FAF1: variants seen among roughly 807,000 people sequenced by gnomAD.
The protein encoded by FAF1 is FAS-associated factor 1.
A neutral mutation model predicts 92.5 loss-of-function variants in FAF1; 25 were observed. The ratio of observed to expected loss-of-function variants is 0.27; its 90% CI spans 0.20 to 0.38. The LOEUF (loss-of-function observed/expected upper bound fraction) is 0.38, where lower values mean the gene tolerates loss of function less well. Among genes scored for constraint, FAF1 ranks in the 10% least tolerant of loss-of-function variants. The probability of loss-of-function intolerance (pLI) is 1.00; values close to 1 mark genes in which losing one functional copy is unlikely to be tolerated. For missense variants in FAF1, 636 were observed against 793.3 expected (o/e 0.80, Z 2.38); for synonymous variants, 234 against 273.2 (o/e 0.86, Z 1.42).
intron 1 of FAF1, among the ~76,000 whole-genome samples, chr1:50,924,768 A>C (rs1249055532): frequency 2.0e-5 from 3 of 152,202 alleles, no homozygotes; most frequent in African/African-American, 7.2e-5. Flanking sequence ...GGATCACCTG[A>C]GTTCAAGAGT....
intron 7 of FAF1, among the ~76,000 whole-genome samples, chr1:50,674,567 G>C (rs942774251): frequency 1.1e-4 from 16 of 152,172 alleles, no homozygotes; most frequent in Non-Finnish European, 2.9e-5. Context: ...TTGTTTATAT[G>C]GTTTTGTGCA....
intron 18 of FAF1, among the ~76,000 whole-genome samples, chr1:50,442,212 C>T (rs1329158725): frequency 6.6e-6 from 1 of 151,966 alleles, no homozygotes; most frequent in Non-Finnish European, 1.5e-5. Context: ...AGGCAACGGG[C>T]AGGGATGGGA....
At chr1:50,879,619 C>T (rs1644596168) in intron 1 of FAF1, among the ~76,000 whole-genome samples, 1 of 152,114 alleles carries the variant, frequency 6.6e-6, no homozygotes, top group Admixed American at 6.6e-5. Flanking sequence ...CGGGAAAATA[C>T]ATCAGATTTA....
At chr1:50,511,421 C>T (rs1010704800) in intron 15 of FAF1, among the ~76,000 whole-genome samples, 56 of 151,972 alleles carry the variant, frequency 3.7e-4, no homozygotes, top group Non-Finnish European at 5.9e-4. Flanking sequence ...CAACAGGCCC[C>T]GGTGTGTGAT....
intron 2 of FAF1, among the ~76,000 whole-genome samples, chr1:50,831,362 T>C (rs1357004630): frequency 6.6e-6 from 1 of 152,206 alleles, no homozygotes; most frequent in Non-Finnish European, 1.5e-5. Context: ...TGTGCAACTT[T>C]AGGCCCCTCC....
intron 1 of FAF1, among the ~76,000 whole-genome samples, chr1:50,900,336 A>G (rs552927432): frequency 5.3e-5 from 8 of 152,140 alleles, no homozygotes; most frequent in Non-Finnish European, 1.2e-4. Flanking sequence ...ATTGCTTTCA[A>G]TTTTGTTTCT....
At chr1:50,734,657 C>A (rs1350693475) in intron 6 of FAF1, among the ~76,000 whole-genome samples, 1 of 151,666 alleles carries the variant, frequency 6.6e-6, no homozygotes, top group Non-Finnish European at 1.5e-5. Context: ...TGGCGTGAAC[C>A]CAGGGGGCGG....
intron 12 of FAF1, among the ~76,000 whole-genome samples, chr1:50,581,722 G>A (rs1482807663): frequency 6.6e-6 from 1 of 152,186 alleles, no homozygotes; most frequent in Non-Finnish European, 1.5e-5. Flanking sequence ...TTCAGAGGAG[G>A]AGGAGGAGTC....
At chr1:50,840,976 AGTCT>A (rs1644251039) in intron 2 of FAF1, among the ~76,000 whole-genome samples, 2 of 152,034 alleles carry the variant, frequency 1.3e-5, no homozygotes, top group Non-Finnish European at 1.5e-5. Flanking sequence ...CATACTACTG[AGTCT>A]GGAAGTCCAT....
At chr1:50,716,401 A>C (rs1658173200) in intron 6 of FAF1, among the ~76,000 whole-genome samples, 1 of 152,206 alleles carries the variant, frequency 6.6e-6, no homozygotes, top group South Asian at 2.1e-4. Flanking sequence ...AGTATACATC[A>C]AAATTAAACA....
At chr1:50,568,674 G>A (rs1650281359) in intron 12 of FAF1, among the ~76,000 whole-genome samples, 1 of 152,138 alleles carries the variant, frequency 6.6e-6, no homozygotes, top group Admixed American at 6.5e-5. Flanking sequence ...AAGCGGACTT[G>A]TCCCAAATGT....
intron 4 of FAF1, among the ~76,000 whole-genome samples, chr1:50,776,803 C>T (rs928697324): frequency 6.6e-6 from 1 of 152,114 alleles, no homozygotes; most frequent in Non-Finnish European, 1.5e-5. Context: ...TAAATCATAT[C>T]CCTTTCAGTG....
At chr1:50,546,454 C>T (rs1649021858) in intron 13 of FAF1, among the ~76,000 whole-genome samples, 1 of 152,136 alleles carries the variant, frequency 6.6e-6, no homozygotes. Flanking sequence ...CAACCTTTGC[C>T]ACCTGGGTTC....
intron 1 of FAF1, among the ~76,000 whole-genome samples, chr1:50,911,660 A>C (rs2124722759): frequency 6.6e-6 from 1 of 151,976 alleles, no homozygotes; most frequent in South Asian, 2.1e-4. Flanking sequence ...TGTTGCCACT[A>C]CACTCCAGCC....
chr1:50,745,234 G>A (rs1209584363), intron 4 of FAF1, among the ~76,000 whole-genome samples: 1 of 152,202 alleles, frequency 6.6e-6, no homozygotes, highest in Admixed American at 6.5e-5. Context: ...CTGGGAGGCA[G>A]AGGTTGCAGT....
intron 15 of FAF1, among the ~76,000 whole-genome samples, chr1:50,513,531 T>C (rs1647165738): frequency 6.6e-6 from 1 of 152,134 alleles, no homozygotes; most frequent in Non-Finnish European, 1.5e-5. Flanking sequence ...AACTTATCAT[T>C]GTGGTTCCAT....
chr1:50,691,564 C>T (rs2124393324), intron 7 of FAF1, among the ~76,000 whole-genome samples: 1 of 151,866 alleles, frequency 6.6e-6, no homozygotes, highest in Non-Finnish European at 1.5e-5. Flanking sequence ...TTCTAGCCAT[C>T]CTAGTGGTGT....
At chr1:50,809,456 C>G (rs947289913) in intron 2 of FAF1, among the ~76,000 whole-genome samples, 1 of 151,994 alleles carries the variant, frequency 6.6e-6, no homozygotes, top group African/African-American at 2.4e-5. Flanking sequence ...CAGAGAAATA[C>G]AAAGAACACT....
chr1:50,821,995 GTTAACAGCCCTACAACTTAAATT>G (rs1200449502), intron 2 of FAF1, among the ~76,000 whole-genome samples: 2 of 151,864 alleles, frequency 1.3e-5, no homozygotes, highest in Non-Finnish European at 2.9e-5. Flanking sequence ...AAGTGGGTAG[GTTAACAGCCCTACAACTTAAATT>G]TTAAATTTCT....
Sources: gnomAD v4.1 joint callset for allele counts (sites outside exome capture counted in the v4.1 genomes callset) on GRCh38, gnomAD v4.1.1 for gene constraint, MANE v1.5 for transcripts, NCBI Gene and HGNC (gene_info 2026-07-23, HGNC 2026-07-21) for gene names.